ANO6: variants seen among roughly 807,000 people sequenced by gnomAD.
ANO6 encodes anoctamin-6.
ANO6 carries 106 observed loss-of-function variants against 117.5 expected under a neutral mutation model. The ratio of observed to expected loss-of-function variants is 0.90; its 90% CI spans 0.77 to 1.06. The LOEUF is 1.06. Ranked by LOEUF, ANO6 falls within the 50% of genes least tolerant of loss-of-function variation. The probability of loss-of-function intolerance (pLI) is 0.00; values close to 1 mark genes in which losing one functional copy is unlikely to be tolerated. For synonymous variants in ANO6, 367 were observed against 385.1 expected, an observed-to-expected ratio of 0.95 and a Z score of 0.55; for missense variants, 955 against 1,121.1, an observed-to-expected ratio of 0.85 and a Z score of 2.12.
chr12:45,408,102 C>T (rs1429207015), intron 15 of ANO6, among the ~76,000 whole-genome samples: 1 of 152,184 alleles, frequency 6.6e-6, no homozygotes, highest in Non-Finnish European at 1.5e-5. Flanking sequence ...TTTGTACTGC[C>T]TGTCTTATGC....
At chr12:45,409,578 T>A in intron 16 of ANO6, 91 bp downstream of exon 16, 2 of 1,418,430 alleles carry the variant, frequency 1.4e-6, no homozygotes, top group Non-Finnish European at 2.0e-6. Flanking sequence ...ATATTAACAT[T>A]TAGCATATTG....
At chr12:45,363,395 T>C (rs1416627939) in intron 8 of ANO6, among the ~76,000 whole-genome samples, 5 of 151,980 alleles carry the variant, frequency 3.3e-5, no homozygotes, top group Non-Finnish European at 7.4e-5. Flanking sequence ...AAACCCCATC[T>C]CTACTAAAAA....
rs143360396 is a variant in ANO6 at position 45,388,279 on chromosome 12, C to G, written c.1284C>G (p.His428Gln). ...CAGAATACGAAGCACGATGTACTCA[C>G]GTAGTGATAAATGAGATTACTCAGG... ...ARPEYEARCT[H>Q]VVINEITQEE... The change falls in exon 11 of 20, where the codon CAC (histidine) becomes CAG (glutamine). Residue 428 changes from histidine to glutamine, a missense_variant. His to Gln is a conservative substitution (Grantham distance 24). Coordinates refer to ENST00000320560, the MANE Select transcript of ANO6 (RefSeq NM_001025356.3). 6.2e-7 allele frequency: 1 copy of G among 1,613,884 alleles called. No homozygotes were observed. Among genetic ancestry groups the G allele is most frequent in the Non-Finnish European group, 8.5e-7 (1 of 1,179,944 alleles).
At chr12:45,348,398 T>G (rs1941198369) in intron 5 of ANO6, 83 bp downstream of exon 5, 18 of 1,591,092 alleles carry the variant, frequency 1.1e-5, no homozygotes, top group Admixed American at 5.0e-5. Flanking sequence ...GGTTTTATTT[T>G]TAAAAACTGC....
At chr12:45,295,378 AC>A (rs1565670827) in intron 1 of ANO6, among the ~76,000 whole-genome samples, 3 of 152,242 alleles carry the variant, frequency 2.0e-5, no homozygotes, top group South Asian at 2.1e-4. Flanking sequence ...AGATGTTGGA[AC>A]CCCTTAGAAC....
At chr12:45,288,750 G>GT (rs1938997669) in intron 1 of ANO6, among the ~76,000 whole-genome samples, 1 of 151,932 alleles carries the variant, frequency 6.6e-6, no homozygotes, top group South Asian at 2.1e-4. Context: ...TTTTTTGTTT[G>GT]TTTGTTTTGT....
rs997334619 is a variant in ANO6, at chr12:45,430,628, C to T, written c.*1317C>T. ...TTTTTTAGCCTCCTCTAGAGCCAAT[C>T]AGGCAGTTAAGAGTAATAAAGGAAA... On this transcript the variant is annotated 3_prime_UTR_variant, in exon 20 of 20. Coordinates refer to ENST00000320560, the MANE Select transcript of ANO6 (RefSeq NM_001025356.3). 2 of 985,268 alleles carry T rather than the reference C, an allele frequency of 2.0e-6. No homozygotes were observed. The highest frequency in any genetic ancestry group is 3.5e-5 in the African/African-American group (2 of 57,232). 61.0% of individuals were successfully genotyped at this position (985,268 alleles called of 1,614,324 possible).
chr12:45,221,214 C>T (rs148573876), intron 1 of ANO6, among the ~76,000 whole-genome samples: 5 of 152,340 alleles, frequency 3.3e-5, no homozygotes, highest in South Asian at 4.1e-4. Flanking sequence ...ACTCTTCCCA[C>T]ATCTGGTGAT....
chr12:45,229,602 A>G (rs1391137593), intron 1 of ANO6, among the ~76,000 whole-genome samples: 1 of 151,920 alleles, frequency 6.6e-6, no homozygotes, highest in East Asian at 1.9e-4. Context: ...GTTGGCCAGG[A>G]TGGTCTCGAT....
intron 1 of ANO6, among the ~76,000 whole-genome samples, chr12:45,221,693 A>ACAT (rs1450267683): frequency 4.5e-4 from 69 of 152,196 alleles, no homozygotes; most frequent in Admixed American, 4.4e-3. Context: ...CATGGAATAG[A>ACAT]GAAGAATGGG....
At chr12:45,335,439 A>G (rs1193477850) in intron 3 of ANO6, 2 of 152,008 alleles carry the variant, frequency 1.3e-5, no homozygotes, top group African/African-American at 4.8e-5. Context: ...AAAAAGTTTT[A>G]CTATGATGAA....
chr12:45,303,597 C>T lies in ANO6; in HGVS notation c.150+1504C>T, dbSNP rs576424452. On this transcript the variant is annotated intron_variant, in intron 2 of 19. Transcript: ENST00000320560. Reference sequence around the variant, plus strand: ...CTCAAGAACAGCCTTGAGTGTATTGCGATGTTGCAGACTGGCAAGTCTCGG... The same window carrying T: ...CTCAAGAACAGCCTTGAGTGTATTGTGATGTTGCAGACTGGCAAGTCTCGG... 2.6e-5 allele frequency among the ~76,000 whole-genome samples: 4 copies of T among 152,266 alleles called. No individual in the cohort carries two copies. The South Asian group carries it at 8.3e-4, about 32-fold the overall frequency.
intron 1 of ANO6, chr12:45,228,305 T>C: frequency 3.2e-6 from 1 of 311,928 alleles, no homozygotes; most frequent in Non-Finnish European, 6.0e-6. Flanking sequence ...TTTTTTTTTT[T>C]TTTTTTTTTT....
At chr12:45,232,804 G>A (rs188951125) in intron 1 of ANO6, among the ~76,000 whole-genome samples, 167 of 152,276 alleles carry the variant, frequency 1.1e-3, no homozygotes, top group African/African-American at 3.9e-3. Context: ...AACAAAACTC[G>A]GTCAGTCACC....
chr12:45,249,828 T>C (rs1947876435), intron 1 of ANO6, among the ~76,000 whole-genome samples: 1 of 152,252 alleles, frequency 6.6e-6, no homozygotes, highest in African/African-American at 2.4e-5. Context: ...GTCCTTTTCC[T>C]TTTAAAACAA....
rs77853729 is a variant in ANO6 at position 45,259,490 on chromosome 12, T to C, written c.71-42524T>C. Among the ~76,000 whole-genome samples, 79 of 152,308 alleles carry C rather than the reference T, an allele frequency of 5.2e-4. 1 individual carries two copies. The East Asian group carries it at 0.014, about 27-fold the overall frequency. ...GAGATGTAGAGGATAGAAACTGATG[T>C]GAAGACAAATACCTCCAGCTGCAAT... On this transcript the variant is annotated intron_variant, in intron 1 of 19. Transcript: ENST00000320560.
Position 45,357,483 on chromosome 12 carries a change from T to G in ANO6, c.998+59T>G, listed in dbSNP as rs1009466637. On this transcript the variant is annotated intron_variant, in intron 8 of 19. Coordinates refer to ENST00000320560, the MANE Select transcript of ANO6 (RefSeq NM_001025356.3). ...AAAGTTTATTAGACATAAAATTATT[T>G]TCATGGTCTTAAACTGTTTTGGTAA... 1.9e-6 allele frequency: 3 copies of G among 1,600,136 alleles called. No individual in the cohort carries two copies. In the African/African-American group the frequency reaches 4.0e-5, roughly 21 times the overall value.
At chr12:45,399,974 A>G (rs1942740187) in intron 12 of ANO6, among the ~76,000 whole-genome samples, 1 of 152,252 alleles carries the variant, frequency 6.6e-6, no homozygotes, top group South Asian at 2.1e-4. Flanking sequence ...GAAATATGGG[A>G]ACTTAACAAG....
intron 19 of ANO6, among the ~76,000 whole-genome samples, chr12:45,426,741 C>T (rs866387040): frequency 6.6e-6 from 1 of 152,112 alleles, no homozygotes; most frequent in African/African-American, 2.4e-5. Context: ...AGGTTCTATG[C>T]CAGTCACTTA....
Sources: allele counts gnomAD v4.1 joint callset (sites outside exome capture counted in the v4.1 genomes callset), GRCh38; gene constraint gnomAD v4.1.1; transcripts MANE v1.5; gene names NCBI Gene and HGNC (gene_info 2026-07-23, HGNC 2026-07-21).